The following UBE2QL1 variants were observed in gnomAD, a reference collection of about 807,000 sequenced individuals.
The protein encoded by UBE2QL1 is ubiquitin-conjugating enzyme E2Q-like protein 1.
In UBE2QL1, 5 loss-of-function variants were observed where a neutral mutation model predicts 12.6. That is an observed-to-expected ratio of 0.40 (90% confidence interval 0.21 to 0.83). The LOEUF (loss-of-function observed/expected upper bound fraction) is 0.83, where lower values mean the gene tolerates loss of function less well. UBE2QL1 is among the 40% of genes least tolerant of loss of function. UBE2QL1 has a pLI of 0.37. For synonymous variants in UBE2QL1, 96 were observed against 94.5 expected (o/e 1.02, Z -0.10); for missense variants, 99 against 222.6 (o/e 0.44, Z 3.53).
chr5:6,477,365 G>A (rs142186580), intron 1 of UBE2QL1, among the ~76,000 whole-genome samples: 28 of 151,840 alleles, frequency 1.8e-4, no homozygotes, highest in East Asian at 9.7e-4. Context: ...ACAGGTGTGC[G>A]TGGAGGTCAG....
At chr5:6,468,744 G>A (rs529477502) in intron 1 of UBE2QL1, among the ~76,000 whole-genome samples, 8 of 152,208 alleles carry the variant, frequency 5.3e-5, no homozygotes, top group East Asian at 3.9e-4. Flanking sequence ...AGTTACTTCC[G>A]GAAATGATTA....
intron 1 of UBE2QL1, among the ~76,000 whole-genome samples, chr5:6,480,395 G>C (rs749169089): frequency 2.6e-5 from 4 of 152,216 alleles, no homozygotes; most frequent in African/African-American, 9.6e-5. Flanking sequence ...GCCTGGCTCA[G>C]ACAGCCCTCG....
At chr5:6,466,130 C>T (rs148061614) in intron 1 of UBE2QL1, among the ~76,000 whole-genome samples, 17 of 152,080 alleles carry the variant, frequency 1.1e-4, no homozygotes, top group South Asian at 2.1e-4. Context: ...CCCACTGACT[C>T]GGCAGCCACG....
At chr5:6,456,855 G>A (rs1005578669) in intron 1 of UBE2QL1, among the ~76,000 whole-genome samples, 2 of 152,092 alleles carry the variant, frequency 1.3e-5, no homozygotes, top group East Asian at 1.9e-4. Context: ...GAAGCTGCCC[G>A]ACCTTGCCCC....
intron 1 of UBE2QL1, among the ~76,000 whole-genome samples, chr5:6,477,072 C>T (rs1200740154): frequency 6.6e-6 from 1 of 152,058 alleles, no homozygotes; most frequent in Non-Finnish European, 1.5e-5. Flanking sequence ...GGAAGTAGGA[C>T]CCTCTACACA....
chr5:6,465,947 G>T (rs575104463), intron 1 of UBE2QL1, among the ~76,000 whole-genome samples: 1 of 151,982 alleles, frequency 6.6e-6, no homozygotes, highest in Admixed American at 6.5e-5. Flanking sequence ...TCCTTCCCCC[G>T]ACACCAGCCT....
chr5:6,490,827 T>C (rs760037338), intron 1 of UBE2QL1, among the ~76,000 whole-genome samples: 63 of 152,302 alleles, frequency 4.1e-4, no homozygotes, highest in Non-Finnish European at 6.9e-4. Flanking sequence ...GAACAGTATA[T>C]TGCCTCAGGG....
chr5:6,452,260 G>A (rs943348698), intron 1 of UBE2QL1, among the ~76,000 whole-genome samples: 12 of 152,238 alleles, frequency 7.9e-5, no homozygotes, highest in East Asian at 1.9e-4. Flanking sequence ...CAGTCATTTC[G>A]TGAGGCTTTT....
intron 1 of UBE2QL1, among the ~76,000 whole-genome samples, chr5:6,461,112 T>C (rs763296552): frequency 9.2e-5 from 14 of 152,198 alleles, no homozygotes; most frequent in Non-Finnish European, 1.8e-4. Context: ...AAGAGAAACC[T>C]AGCTGAAATA....
intron 1 of UBE2QL1, among the ~76,000 whole-genome samples, chr5:6,485,148 C>A (rs1326300409): frequency 6.6e-6 from 1 of 152,074 alleles, no homozygotes; most frequent in Non-Finnish European, 1.5e-5. Flanking sequence ...ATGCATTACT[C>A]GTGCACATGC....
At chr5:6,466,328 G>T (rs1410924503) in intron 1 of UBE2QL1, among the ~76,000 whole-genome samples, 1 of 152,190 alleles carries the variant, frequency 6.6e-6, no homozygotes, top group Non-Finnish European at 1.5e-5. Context: ...CCAAGGCCAG[G>T]TGTCCTGTTG....
chr5:6,452,769 G>A (rs1301151489), intron 1 of UBE2QL1, among the ~76,000 whole-genome samples: 1 of 152,202 alleles, frequency 6.6e-6, no homozygotes, highest in Non-Finnish European at 1.5e-5. Context: ...GCCATGAAGA[G>A]TGCCAGAGTT....
At chr5:6,451,242 A>G (rs1031625449) in intron 1 of UBE2QL1, among the ~76,000 whole-genome samples, 3 of 60,794 alleles carry the variant, frequency 4.9e-5, no homozygotes, top group Middle Eastern at 0.011. Context: ...GAAATGAGAA[A>G]TGGGGATTTT....
Position 6,491,456 on chromosome 5 carries a change from A to T in UBE2QL1, c.*107A>T. On this transcript the variant is annotated 3_prime_UTR_variant, in exon 2 of 2. Coordinates refer to ENST00000399816, the MANE Select transcript of UBE2QL1 (RefSeq NM_001145161.3). ...TCCACCCGTTTTTACTCCAGCCAGAACTGCATCCTGAATGCCCAGGAGACG... is the reference window on the plus strand; with the variant it reads ...TCCACCCGTTTTTACTCCAGCCAGATCTGCATCCTGAATGCCCAGGAGACG... The T allele has an allele frequency of 7.2e-7, 1 of 1,386,810 alleles. No homozygotes were observed. The highest frequency in any genetic ancestry group is 9.5e-7 in the Non-Finnish European group (1 of 1,054,796). The allele number at this position is 1,386,810 out of a possible 1,614,324, so 85.9% of individuals were successfully genotyped here.
intron 1 of UBE2QL1, among the ~76,000 whole-genome samples, chr5:6,461,484 T>C (rs2126334707): frequency 1.3e-5 from 2 of 149,682 alleles, no homozygotes; most frequent in South Asian, 4.2e-4. Context: ...AATGTCCTCA[T>C]CTGAGATGAT....
At position 6,481,586 on chromosome 5, in the gene UBE2QL1, G is replaced by A. The variant is rs2126365372; in HGVS notation, c.355-9632G>A. On this transcript the variant is annotated intron_variant, in intron 1 of 1. Transcript: ENST00000399816. The surrounding 1 kb of genome is among the most constrained non-coding windows in gnomAD (Gnocchi z 4.5). ...GATTTCTGTGCACACCTCAAAGCCA[G>A]CCAACCCAAACAGAACTCAGTATCT... 6.6e-6 allele frequency among the ~76,000 whole-genome samples: 1 copy of A among 152,344 alleles called. No homozygotes were observed. Among genetic ancestry groups the A allele is most frequent in the South Asian group, 2.1e-4 (1 of 4,832 alleles).
Position 6,494,501 on chromosome 5 carries a change from C to A in UBE2QL1, c.*3152C>A, listed in dbSNP as rs1025585521. On this transcript the variant is annotated 3_prime_UTR_variant, in exon 2 of 2. Transcript: ENST00000399816. ...GACAAAAAGCCATGTGTCCATGTAA[C>A]CCTGGCCAGTCACTCCACCTGCCTG... 6.6e-6 allele frequency: 1 copy of A among 152,136 alleles called. No homozygotes were observed. Among genetic ancestry groups the A allele is most frequent in the African/African-American group, 2.4e-5 (1 of 41,420 alleles). 9.4% of individuals were successfully genotyped at this position (152,136 alleles called of 1,614,324 possible). A position where few individuals can be genotyped will look rare whatever the true frequency, so the allele number is the denominator to read the frequency against.
rs1425911549 is a variant in UBE2QL1 at position 6,491,238 on chromosome 5, T to C, written c.375T>C (p.Ala125=). The C allele has an allele frequency of 1.9e-6, 3 of 1,551,074 alleles. No individual in the cohort carries two copies. Among genetic ancestry groups the C allele is most frequent in the East Asian group, 4.9e-5 (2 of 40,912 alleles). The change falls in exon 2 of 2, where the codon GCT becomes GCC. Residue 125 remains alanine (A), a synonymous_variant. Transcript: ENST00000399816. ...VKGQGRICRK[A]GKSKKSFSRK... ...CGCAGGGACGGATCTGTAGAAAAGC[T>C]GGCAAATCAAAAAAGTCCTTCAGTC...
intron 1 of UBE2QL1, among the ~76,000 whole-genome samples, chr5:6,454,858 C>G (rs757194358): frequency 6.6e-6 from 1 of 152,212 alleles, no homozygotes; most frequent in South Asian, 2.1e-4. Flanking sequence ...TTGCCACCAC[C>G]GATGACTGTG....
Sources: allele counts gnomAD v4.1 joint callset (sites outside exome capture counted in the v4.1 genomes callset), GRCh38; gene constraint gnomAD v4.1.1; non-coding constraint Gnocchi (gnomAD v3.1); transcripts MANE v1.5; gene names NCBI Gene and HGNC (gene_info 2026-07-23, HGNC 2026-07-21).